STEAP1B: variants seen among roughly 807,000 people sequenced by gnomAD.
STEAP1B encodes STEAP family member 1B, also known as STEAP family protein MGC87042.
STEAP1B carries 13 observed loss-of-function variants against 27.9 expected under a neutral mutation model. The ratio of observed to expected loss-of-function variants is 0.47; its 90% CI spans 0.30 to 0.74. STEAP1B has a LOEUF of 0.74. Ranked by LOEUF, STEAP1B falls within the 30% of genes least tolerant of loss-of-function variation. The pLI is 0.06. For missense variants in STEAP1B, 250 were observed against 298.7 expected (o/e 0.84, Z 1.20); for synonymous variants, 86 against 107.1 (o/e 0.80, Z 1.22).
chr7:22,444,683 T>TA (rs1199936399), intron 4 of STEAP1B, among the ~76,000 whole-genome samples: 1 of 152,196 alleles, frequency 6.6e-6, no homozygotes. Flanking sequence ...TGTCACTGAG[T>TA]AACAGGTTTT....
intron 4 of STEAP1B, among the ~76,000 whole-genome samples, chr7:22,453,561 G>T (rs1187513052): frequency 6.6e-6 from 1 of 152,188 alleles, no homozygotes; most frequent in African/African-American, 2.4e-5. Context: ...GTTACTTTCT[G>T]AAGTTTTAGT....
intron 4 of STEAP1B, among the ~76,000 whole-genome samples, chr7:22,471,582 CAAGGTA>C (rs756409902): frequency 1.2e-4 from 19 of 152,130 alleles, no homozygotes; most frequent in Non-Finnish European, 1.9e-4. Context: ...AATTAACTCA[CAAGGTA>C]AAGGCAAATT....
At chr7:22,442,642 G>C (rs1217177487) in intron 4 of STEAP1B, among the ~76,000 whole-genome samples, 1 of 152,248 alleles carries the variant, frequency 6.6e-6, no homozygotes, top group Non-Finnish European at 1.5e-5. Context: ...CAAAGGACCT[G>C]ACGATGCCTT....
At chr7:22,464,635 A>T (rs996445248) in intron 4 of STEAP1B, among the ~76,000 whole-genome samples, 2 of 151,914 alleles carry the variant, frequency 1.3e-5, no homozygotes, top group African/African-American at 2.4e-5. Flanking sequence ...GTGTCCTTAT[A>T]AGAGGAGGAA....
intron 4 of STEAP1B, among the ~76,000 whole-genome samples, chr7:22,491,183 T>G (rs932881999): frequency 6.6e-6 from 1 of 152,226 alleles, no homozygotes; most frequent in Non-Finnish European, 1.5e-5. Context: ...GGACTTTGGT[T>G]GAAGCTAGTG....
Position 22,493,616 on chromosome 7 carries a change from T to A in STEAP1B, c.305A>T (p.His102Leu). The A allele has an allele frequency of 6.2e-7, 1 of 1,613,230 alleles. No homozygotes were observed. Among genetic ancestry groups the A allele is most frequent in the Non-Finnish European group, 8.5e-7 (1 of 1,179,360 alleles). The change falls in exon 3 of 5, where the codon CAT (histidine) becomes CTT (leucine). Residue 102 changes from histidine to leucine, a missense_variant. Transcript: ENST00000678116. ...TGGAATTTTATAAAAATATTGTTGA[T>A]GGGAAGTTGCTAAAGGGTGAATTAC... ...REVIHPLATS[H>L]QQYFYKIPIL...
At chr7:22,450,934 C>T (rs1007785002) in intron 4 of STEAP1B, among the ~76,000 whole-genome samples, 2 of 152,122 alleles carry the variant, frequency 1.3e-5, no homozygotes, top group African/African-American at 2.4e-5. Context: ...GTGGCTCATG[C>T]TTGCAATCCC....
intron 4 of STEAP1B, among the ~76,000 whole-genome samples, chr7:22,473,233 C>G (rs903090695): frequency 1.3e-5 from 2 of 152,162 alleles, no homozygotes; most frequent in Non-Finnish European, 2.9e-5. Context: ...CTCACACCAG[C>G]CCTTGGAAGG....
At chr7:22,483,026 T>C (rs753662869) in intron 4 of STEAP1B, among the ~76,000 whole-genome samples, 5 of 152,224 alleles carry the variant, frequency 3.3e-5, no homozygotes, top group Non-Finnish European at 5.9e-5. Context: ...AACTTTGGTT[T>C]GCTCTGGGTA....
Position 22,493,702 on chromosome 7 carries a change from C to T in STEAP1B, c.219G>A (p.Leu73=). 1.2e-6 allele frequency: 2 copies of T among 1,613,986 alleles called. No individual in the cohort carries two copies. Among genetic ancestry groups the T allele is most frequent in the Non-Finnish European group, 1.7e-6 (2 of 1,179,860 alleles). Residue 73 remains leucine (L), a synonymous_variant, in exon 3 of 5, where the codon TTG becomes TTA. Transcript: ENST00000678116. The part of the protein sequence containing the change: ...HAQELFPQWH[L]PIKIAAVMAS... ...CCATAACAGCAGCTATTTTAATTGG[C>T]AAGTGCCACTGTGGAAAGAGTTCCT...
intron 4 of STEAP1B, among the ~76,000 whole-genome samples, chr7:22,472,735 C>T (rs1420547590): frequency 6.6e-6 from 1 of 152,142 alleles, no homozygotes. Context: ...TGCACCTACC[C>T]CTCTCCCAGC....
intron 4 of STEAP1B, among the ~76,000 whole-genome samples, chr7:22,483,281 C>T (rs138010999): frequency 1.3e-4 from 20 of 152,162 alleles, no homozygotes; most frequent in African/African-American, 4.3e-4. Context: ...AAAAAATCGC[C>T]AGTGTTTTGT....
At chr7:22,490,402 T>A (rs12700376) in intron 4 of STEAP1B, among the ~76,000 whole-genome samples, 1 of 152,198 alleles carries the variant, frequency 6.6e-6, no homozygotes, top group African/African-American at 2.4e-5. Context: ...TTTAGTCCTG[T>A]CTCTTGTGGG....
chr7:22,448,190 C>T (rs989328875), intron 4 of STEAP1B, among the ~76,000 whole-genome samples: 1 of 152,166 alleles, frequency 6.6e-6, no homozygotes, highest in African/African-American at 2.4e-5. Context: ...TCAAGTTTCC[C>T]TTCCCGTGTT....
At chr7:22,451,141 G>A (rs796230389) in intron 4 of STEAP1B, among the ~76,000 whole-genome samples, 3 of 151,916 alleles carry the variant, frequency 2.0e-5, no homozygotes, top group African/African-American at 7.2e-5. Flanking sequence ...AGATTGCAGT[G>A]AGCTGAGATT....
In STEAP1B at chr7:22,492,319, C is replaced by CAAAAAAAA. The variant is rs56679156; in HGVS notation, c.762+238_762+245dup. On this transcript the variant is annotated intron_variant, in intron 4 of 4. Coordinates refer to ENST00000678116, the MANE Select transcript of STEAP1B (RefSeq NM_001382447.1). ...GGGCAACAGAGCGAGACTTCATCTC[C>CAAAAAAAA]AAAAAAAAAAAAAAAAAAAAAAAAA... 1.8e-3 allele frequency: 100 copies of CAAAAAAAA among 54,804 alleles called. 8 individuals carry two copies. The highest frequency in any genetic ancestry group is 7.1e-3 in the African/African-American group (76 of 10,736). 3.4% of individuals were successfully genotyped at this position (54,804 alleles called of 1,614,324 possible).
chr7:22,434,115 A>G (rs1785224947), intron 4 of STEAP1B, among the ~76,000 whole-genome samples: 1 of 152,222 alleles, frequency 6.6e-6, no homozygotes, highest in Admixed American at 6.5e-5. Flanking sequence ...TGCAGAGATA[A>G]TTGCATCAAA....
At chr7:22,446,237 C>A (rs1785407566) in intron 4 of STEAP1B, among the ~76,000 whole-genome samples, 1 of 152,250 alleles carries the variant, frequency 6.6e-6, no homozygotes, top group African/African-American at 2.4e-5. Flanking sequence ...GATCCCCGGT[C>A]CCTACCCTCT....
rs527331263 is a variant in STEAP1B, at chr7:22,434,080, C to G, written c.763-14244G>C. 9.2e-5 allele frequency among the ~76,000 whole-genome samples: 14 copies of G among 152,338 alleles called. No individual in the cohort carries two copies. The South Asian group carries it at 2.5e-3, about 27-fold the overall frequency. Reference sequence around the variant, plus strand: ...AGAAGCACAAGGGTCACCGGTTACTCTCCATGAGAACAAAAGGCCAAGGAT... The same window carrying G: ...AGAAGCACAAGGGTCACCGGTTACTGTCCATGAGAACAAAAGGCCAAGGAT... On this transcript the variant is annotated intron_variant, in intron 4 of 4. Coordinates refer to ENST00000678116, the MANE Select transcript of STEAP1B (RefSeq NM_001382447.1).
Sources: allele counts gnomAD v4.1 joint callset (sites outside exome capture counted in the v4.1 genomes callset), GRCh38; gene constraint gnomAD v4.1.1; transcripts MANE v1.5; gene names NCBI Gene and HGNC (gene_info 2026-07-23, HGNC 2026-07-21).